Variants in IGF1R observed in about 807,000 individuals in gnomAD.
IGF1R encodes insulin-like growth factor 1 receptor.
IGF1R carries 44 observed loss-of-function variants against 144.6 expected under a neutral mutation model. The observed-to-expected ratio is 0.30, with a 90% CI of 0.24 to 0.39. The LOEUF (loss-of-function observed/expected upper bound fraction) is 0.39. Ranked by LOEUF, IGF1R falls within the 10% of genes least tolerant of loss-of-function variation. The pLI is 1.00. For synonymous variants in IGF1R, 795 were observed against 722.8 expected (o/e 1.10, Z -1.60); for missense variants, 1,355 against 1,833.7 (o/e 0.74, Z 4.77).
rs1274821435 is a variant in IGF1R at position 98,728,004 on chromosome 15, A to AT, written c.640+19899dup. 3.8e-4 allele frequency among the ~76,000 whole-genome samples: 16 copies of AT among 42,384 alleles called. No homozygotes were observed. In the East Asian group the frequency reaches 7.8e-3, roughly 21 times the overall value. 27.8% of individuals were successfully genotyped at this position (42,384 alleles called of 152,430 possible). A position where few individuals can be genotyped will look rare whatever the true frequency, so the allele number is the denominator to read the frequency against. ...TAGCCACTGTACTCACTGAAGATGC[A>AT]TTGTTTTTTTTTTTTTTTTTTTTTT... On this transcript the variant is annotated intron_variant, in intron 2 of 20. Coordinates refer to ENST00000650285, the MANE Select transcript of IGF1R (RefSeq NM_000875.5).
chr15:98,720,383 G>A (rs917685631), intron 2 of IGF1R, among the ~76,000 whole-genome samples: 1 of 152,226 alleles, frequency 6.6e-6, no homozygotes, highest in Non-Finnish European at 1.5e-5. Flanking sequence ...AGACAAGGTT[G>A]TTGGGGACCT....
rs572288018 is a variant in IGF1R, at chr15:98,913,424, A to G, written c.1828+142A>G. On this transcript the variant is annotated intron_variant, in intron 8 of 20. Transcript: ENST00000650285. ...CAATAGGTAATACTGTGTCATATTC[A>G]TTTCCCCACTGCTAACACATTAGGC... The G allele has an allele frequency of 7.7e-5, 60 of 779,614 alleles. No homozygotes were observed. The African/African-American group carries it at 9.1e-4, about 12-fold the overall frequency. The allele number at this position is 779,614 out of a possible 1,614,324, so 48.3% of individuals were successfully genotyped here.
chr15:98,848,793 A>G (rs1034986639), intron 2 of IGF1R, among the ~76,000 whole-genome samples: 1 of 152,224 alleles, frequency 6.6e-6, no homozygotes, highest in Non-Finnish European at 1.5e-5. Context: ...ATAACATACA[A>G]ATTTATCATC....
chr15:98,908,616 C>T (rs937386847), intron 5 of IGF1R, 69 bp from the exon 6 acceptor site: 3 of 1,165,716 alleles, frequency 2.6e-6, no homozygotes, highest in Non-Finnish European at 3.8e-6. Flanking sequence ...ACCTGTGTTA[C>T]GTGGCCAGCA....
intron 2 of IGF1R, among the ~76,000 whole-genome samples, chr15:98,797,780 A>G (rs1290189246): frequency 1.3e-5 from 2 of 152,276 alleles, no homozygotes; most frequent in Non-Finnish European, 2.9e-5. Context: ...TCCATTCTCC[A>G]AATGGAAAAC....
At chr15:98,880,292 TTAGCTC>T (rs1381427655) in intron 2 of IGF1R, among the ~76,000 whole-genome samples, 1 of 152,236 alleles carries the variant, frequency 6.6e-6, no homozygotes, top group Non-Finnish European at 1.5e-5. Flanking sequence ...CCCTTACTAA[TTAGCTC>T]TCAAAACCTC....
At chr15:98,904,597 G>A (rs1413100968) in intron 5 of IGF1R, among the ~76,000 whole-genome samples, 7 of 152,044 alleles carry the variant, frequency 4.6e-5, no homozygotes, top group African/African-American at 1.5e-4. Flanking sequence ...AGGCAAAAAA[G>A]GCCAAATACT....
At position 98,704,065 on chromosome 15, in the gene IGF1R, G is replaced by GA. The variant is rs113232785; in HGVS notation, c.95-3491dup. On this transcript the variant is annotated intron_variant, in intron 1 of 20. Coordinates refer to ENST00000650285, the MANE Select transcript of IGF1R (RefSeq NM_000875.5). The surrounding 1 kb of genome is among the most constrained non-coding windows in gnomAD (Gnocchi z 4.9). ...CACAGTTAATTTAGTGTCCCCAGGGGAAAAAAGACCCTCCCGGCCCCCTTC... is the reference window on the plus strand; with the variant it reads ...CACAGTTAATTTAGTGTCCCCAGGGGAAAAAAAGACCCTCCCGGCCCCCTTC... Among the ~76,000 whole-genome samples, 19,539 of 151,928 alleles carry GA rather than the reference G, an allele frequency of 0.13. 1,693 individuals are homozygous for GA. Among genetic ancestry groups the GA allele is most frequent in the East Asian group, 0.31 (1,607 of 5,162 alleles).
intron 1 of IGF1R, among the ~76,000 whole-genome samples, chr15:98,670,105 G>A (rs1178386758): frequency 6.6e-6 from 1 of 152,182 alleles, no homozygotes; most frequent in Non-Finnish European, 1.5e-5. Context: ...GGAGGTATGT[G>A]AGGTGTGTAA....
chr15:98,688,376 A>C (rs1457818966), intron 1 of IGF1R, among the ~76,000 whole-genome samples: 2 of 99,840 alleles, frequency 2.0e-5, no homozygotes, highest in Non-Finnish European at 4.0e-5. Flanking sequence ...CCCGCTCCCA[A>C]CTTTCTTTCT....
intron 2 of IGF1R, among the ~76,000 whole-genome samples, chr15:98,841,960 G>T (rs2011182136): frequency 6.6e-6 from 1 of 152,198 alleles, no homozygotes; most frequent in African/African-American, 2.4e-5. Flanking sequence ...GAAAAGAGGT[G>T]ACTGCTGGCA....
chr15:98,703,761 TC>T (rs1357115177), intron 1 of IGF1R, among the ~76,000 whole-genome samples: 1 of 152,242 alleles, frequency 6.6e-6, no homozygotes, highest in South Asian at 2.1e-4. Flanking sequence ...GCAGATTCTT[TC>T]CTCCTGTCTG....
chr15:98,649,917 C>T (rs926315460), intron 1 of IGF1R, among the ~76,000 whole-genome samples: 6 of 152,286 alleles, frequency 3.9e-5, no homozygotes, highest in Admixed American at 1.3e-4. Flanking sequence ...AAGGGCTTTT[C>T]TCTTTCTCCG....
chr15:98,819,553 T>G (rs1293138642), intron 2 of IGF1R, among the ~76,000 whole-genome samples: 1 of 152,078 alleles, frequency 6.6e-6, no homozygotes, highest in Non-Finnish European at 1.5e-5. Flanking sequence ...ATCTTGGACT[T>G]CCCAGACTCT....
chr15:98,924,219 C>T (rs915986180), intron 12 of IGF1R, among the ~76,000 whole-genome samples: 22 of 152,294 alleles, frequency 1.4e-4, no homozygotes, highest in Admixed American at 1.1e-3. Flanking sequence ...TGCTTTTTGC[C>T]CTCAAGAAAC....
chr15:98,675,900 A>G (rs1245106732), intron 1 of IGF1R, among the ~76,000 whole-genome samples: 6 of 137,806 alleles, frequency 4.4e-5, no homozygotes, highest in Non-Finnish European at 7.5e-5. Flanking sequence ...ATCTCTGTTC[A>G]AAGCAGCCTC....
At chr15:98,650,951 G>A (rs1230181017) in intron 1 of IGF1R, 1 of 985,050 alleles carries the variant, frequency 1.0e-6, no homozygotes, top group Non-Finnish European at 1.2e-6. Flanking sequence ...GCCGGAGGAG[G>A]TGGGGGTTTT....
At chr15:98,868,470 G>T (rs1460295477) in intron 2 of IGF1R, among the ~76,000 whole-genome samples, 3 of 150,650 alleles carry the variant, frequency 2.0e-5, no homozygotes, top group Non-Finnish European at 4.4e-5. Context: ...CTGTCTCCTT[G>T]GCAAGATACA....
chr15:98,961,169 G>GT lies in IGF1R; in HGVS notation c.*3731dup, dbSNP rs375868122. On this transcript the variant is annotated 3_prime_UTR_variant, in exon 21 of 21. Coordinates refer to ENST00000650285, the MANE Select transcript of IGF1R (RefSeq NM_000875.5). ...CATTGAGAAATACTGTTGGATCAGG[G>GT]TTTTGTTCTTCCACACTGTAGGTGA... 54 of 233,594 alleles carry GT rather than the reference G, an allele frequency of 2.3e-4. No individual in the cohort carries two copies. Among genetic ancestry groups the GT allele is most frequent in the Middle Eastern group, 2.5e-3 (2 of 786 alleles). The allele number at this position is 233,594 out of a possible 1,614,324, so 14.5% of individuals were successfully genotyped here.
Sources: allele counts gnomAD v4.1 joint callset (sites outside exome capture counted in the v4.1 genomes callset), GRCh38; gene constraint gnomAD v4.1.1; non-coding constraint Gnocchi (gnomAD v3.1); transcripts MANE v1.5; gene names NCBI Gene and HGNC (gene_info 2026-07-23, HGNC 2026-07-21).